The following WFDC3 variants were observed in gnomAD, a reference collection of about 807,000 sequenced individuals.
The protein encoded by WFDC3 is WAP four-disulfide core domain 3, also known as WAP four-disulfide core domain protein 3.
A neutral mutation model predicts 25.8 loss-of-function variants in WFDC3; 15 were observed. The observed-to-expected ratio is 0.58, with a 90% CI of 0.39 to 0.89. The LOEUF is 0.89. WFDC3 is among the 40% of genes least tolerant of loss of function. The pLI is 0.00. For missense variants in WFDC3, 264 were observed against 289.8 expected (o/e 0.91, Z 0.65); for synonymous variants, 103 against 107.1 (o/e 0.96, Z 0.24).
rs1326319457 is a variant in WFDC3, at chr20:45,789,908, G to C, written c.68C>G (p.Thr23Ser). The C allele has an allele frequency of 2.5e-6, 4 of 1,613,834 alleles. No homozygotes were observed. The highest frequency in any genetic ancestry group is 3.4e-6 in the Non-Finnish European group (4 of 1,179,868). ...TGATAGCTCACCATGTTCTCCTGCA[G>C]TTATCCAGGATTCCAGAGACCCAAG... ...LALGSLESWI[T>S]AGEHAKEGEC... The change falls in exon 2 of 7, where the codon ACT becomes AGT. Residue 23 changes from threonine (T) to serine (S), a missense_variant. Thr to Ser is a moderately conservative substitution (Grantham distance 58). Coordinates refer to ENST00000243938, the MANE Select transcript of WFDC3 (RefSeq NM_080614.2).
At chr20:45,782,819 C>A (rs770702139) in intron 4 of WFDC3, among the ~76,000 whole-genome samples, 4 of 152,140 alleles carry the variant, frequency 2.6e-5, no homozygotes, top group Admixed American at 6.6e-5. Context: ...GCAGAGTGGT[C>A]TTTTTAAAAT....
intron 4 of WFDC3, among the ~76,000 whole-genome samples, chr20:45,779,185 C>CACCCA (rs1474304731): frequency 6.6e-6 from 1 of 152,224 alleles, no homozygotes; most frequent in East Asian, 1.9e-4. Flanking sequence ...AAGAAGGCCA[C>CACCCA]ATCCAAACCA....
chr20:45,775,416 C>G lies in WFDC3; in HGVS notation c.679+1G>C, dbSNP rs1328794952. The G allele has an allele frequency of 6.2e-7, 1 of 1,613,920 alleles. No homozygotes were observed. Among genetic ancestry groups the G allele is most frequent in the Admixed American group, 1.7e-5 (1 of 60,014 alleles). ...TGTTGATGACAATGGACTGTACTCA[C>G]CTAATTCGGAATCAGACCTCACAGT... On this transcript the variant is annotated splice_donor_variant, in intron 6 of 6. Transcript: ENST00000243938. LOFTEE classifies it high-confidence loss of function.
rs1555812785 is a variant in WFDC3 at position 45,776,660 on chromosome 20, A to ATGTGTGTGTGTGTG, written c.493+414_493+415insCACACACACACACA. 4.5e-3 allele frequency among the ~76,000 whole-genome samples: 418 copies of ATGTGTGTGTGTGTG among 93,128 alleles called. 8 individuals carry two copies. The highest frequency in any genetic ancestry group is 0.017 in the African/African-American group (382 of 22,752). 61.1% of individuals were successfully genotyped at this position (93,128 alleles called of 152,430 possible). A position where few individuals can be genotyped will look rare whatever the true frequency, so the allele number is the denominator to read the frequency against. On this transcript the variant is annotated intron_variant, in intron 5 of 6. Coordinates refer to ENST00000243938, the MANE Select transcript of WFDC3 (RefSeq NM_080614.2). ...AATATATATATATATATATATATATATGTGTGTGTGTGTTTCCAACTAAGA... is the reference window on the plus strand; with the variant it reads ...AATATATATATATATATATATATATATGTGTGTGTGTGTGTGTGTGTGTGTGTTTCCAACTAAGA...
intron 5 of WFDC3, among the ~76,000 whole-genome samples, chr20:45,776,285 T>TGA (rs1467246916): frequency 3.9e-5 from 5 of 127,308 alleles, no homozygotes; most frequent in Non-Finnish European, 6.6e-5. Flanking sequence ...TCTCTGTGTG[T>TGA]GTGTGTGTGT....
rs1980735880 is a variant in WFDC3 at position 45,787,485 on chromosome 20, GT to G, written c.358+350del. Among the ~76,000 whole-genome samples, 4 of 151,608 alleles carry G rather than the reference GT, an allele frequency of 2.6e-5. No homozygotes were observed. In the South Asian group the frequency reaches 8.3e-4, roughly 32 times the overall value. ...TTTTTGTATTTTTAGTAGAGACGGAGTTTCGCCGTGTTAGCCAGGATGGTCT... is the reference window on the plus strand; with the variant it reads ...TTTTTGTATTTTTAGTAGAGACGGAGTTCGCCGTGTTAGCCAGGATGGTCT... On this transcript the variant is annotated intron_variant, in intron 4 of 6. Coordinates refer to ENST00000243938, the MANE Select transcript of WFDC3 (RefSeq NM_080614.2).
intron 3 of WFDC3, 93 bp downstream of exon 3, chr20:45,788,838 G>A: frequency 6.7e-7 from 1 of 1,496,056 alleles, no homozygotes; most frequent in Non-Finnish European, 8.9e-7. Flanking sequence ...GACTTCCAGA[G>A]GCAACCTAGA....
intron 4 of WFDC3, among the ~76,000 whole-genome samples, chr20:45,783,636 C>T (rs11086980): frequency 0.03 from 4,499 of 151,956 alleles, 183 homozygotes; most frequent in Admixed American, 0.12. Context: ...AGCCAGGATT[C>T]AGACCCATGT....
intron 5 of WFDC3, 137 bp downstream of exon 5, chr20:45,776,938 C>G (rs571903557): frequency 2.1e-6 from 3 of 1,443,498 alleles, no homozygotes; most frequent in African/African-American, 2.8e-5. Flanking sequence ...CCCCTCGGCC[C>G]TAGAAGAATG....
chr20:45,777,097 G>A lies in WFDC3; in HGVS notation c.471C>T (p.Thr157=), dbSNP rs1980222975. The change falls in exon 5 of 7, where the codon ACC becomes ACT. Residue 157 remains threonine (T), a synonymous_variant. Coordinates refer to ENST00000243938, the MANE Select transcript of WFDC3 (RefSeq NM_080614.2). ...TACCTCCCTCAATGTCTCCGAGGCA[G>A]GTGCGGCCACAGCCGGTGCTGCAGC... ...HKCCSTGCGR[T]CLGDIEGGRG... The A allele has an allele frequency of 6.2e-7, 1 of 1,612,620 alleles. No individual in the cohort carries two copies. The highest frequency in any genetic ancestry group is 1.1e-5 in the South Asian group (1 of 91,008).
chr20:45,776,656 A>ATG (rs1482229487), intron 5 of WFDC3, among the ~76,000 whole-genome samples: 22 of 104,950 alleles, frequency 2.1e-4, no homozygotes, highest in Non-Finnish European at 3.9e-4. Context: ...ATATATATAT[A>ATG]TATATGTGTG....
chr20:45,787,769 T>A, intron 4 of WFDC3, 67 bp downstream of exon 4: 1 of 1,516,176 alleles, frequency 6.6e-7, no homozygotes, highest in Non-Finnish European at 8.8e-7. Context: ...CAAGCTGATA[T>A]GTGCATATTT....
At chr20:45,789,744 C>A in intron 2 of WFDC3, 150 bp downstream of exon 2, 1 of 655,728 alleles carries the variant, frequency 1.5e-6, no homozygotes, top group Non-Finnish European at 2.6e-6. Context: ...CCCAGGCCAT[C>A]CTGAGAATCT....
intron 5 of WFDC3, among the ~76,000 whole-genome samples, chr20:45,776,650 A>G (rs1368160254): frequency 2.8e-5 from 3 of 108,602 alleles, no homozygotes; most frequent in South Asian, 3.1e-4. Context: ...ATATATATAT[A>G]TATATATATA....
At position 45,774,362 on chromosome 20, in the gene WFDC3, AC is replaced by A; in HGVS notation, c.*65del. 1 of 1,610,788 alleles carries A rather than the reference AC, an allele frequency of 6.2e-7. No homozygotes were observed. The highest frequency in any genetic ancestry group is 8.5e-7 in the Non-Finnish European group (1 of 1,177,116). The stretch of plus-strand genomic sequence containing the variant: ...GAAATGTCACAAGCCCCAGGATGTC[AC>A]CCTCTCTTGACTGCCAGGAAAAGCT... On this transcript the variant is annotated 3_prime_UTR_variant, in exon 7 of 7. Coordinates refer to ENST00000243938, the MANE Select transcript of WFDC3 (RefSeq NM_080614.2).
At chr20:45,784,742 A>T (rs1861304947) in intron 4 of WFDC3, among the ~76,000 whole-genome samples, 1 of 152,134 alleles carries the variant, frequency 6.6e-6, no homozygotes, top group Admixed American at 6.5e-5. Context: ...ACTCAGTCTC[A>T]AAAAAAAGAA....
At chr20:45,789,097 A>G (rs1235089962) in intron 2 of WFDC3, 38 bp from the exon 3 acceptor site, 1 of 1,609,104 alleles carries the variant, frequency 6.2e-7, no homozygotes, top group South Asian at 1.1e-5. Context: ...GTAACTAGCC[A>G]GGCCTCAGAA....
At position 45,776,605 on chromosome 20, in the gene WFDC3, AAAAAAAAG is replaced by A. The variant is rs1366031851; in HGVS notation, c.493+462_493+469del. On this transcript the variant is annotated intron_variant, in intron 5 of 6. Transcript: ENST00000243938. ...AGACCAAGACTCTGTCTCAAAAAAA[AAAAAAAAG>A]AAAAAAAAGAAAAAAAAAAAAAATA... is the stretch of plus-strand genomic sequence containing the variant. Among the ~76,000 whole-genome samples, 206 of 41,244 alleles carry A rather than the reference AAAAAAAAG, an allele frequency of 5.0e-3. 3 individuals are homozygous for A. The highest frequency in any genetic ancestry group is 0.024 in the African/African-American group (195 of 8,058). The allele number at this position is 41,244 out of a possible 152,430, so 27.1% of individuals were successfully genotyped here.
chr20:45,789,857 T>C (rs1980867503), intron 2 of WFDC3, 37 bp downstream of exon 2: 1 of 1,587,074 alleles, frequency 6.3e-7, no homozygotes, highest in African/African-American at 1.3e-5. Context: ...AGTCACTTTC[T>C]GTTACTGTTG....
Sources: allele counts gnomAD v4.1 joint callset (sites outside exome capture counted in the v4.1 genomes callset), GRCh38; gene constraint gnomAD v4.1.1; transcripts MANE v1.5; gene names NCBI Gene and HGNC (gene_info 2026-07-23, HGNC 2026-07-21).